The following GORASP2 variants were observed in gnomAD, a reference collection of about 807,000 sequenced individuals.
GORASP2 encodes Golgi reassembly-stacking protein 2.
Under a neutral mutation model 45.7 loss-of-function variants are expected in GORASP2, and 22 were observed. The observed-to-expected ratio is 0.48, with a 90% CI of 0.34 to 0.69. The LOEUF is 0.69. Ranked by LOEUF, GORASP2 falls within the 30% of genes least tolerant of loss-of-function variation. GORASP2 has a pLI of 0.01. For synonymous variants in GORASP2, 221 were observed against 215.6 expected (o/e 1.02, Z -0.22); for missense variants, 491 against 562.7 (o/e 0.87, Z 1.29).
chr2:170,942,267 A>T (rs558881569), intron 1 of GORASP2, among the ~76,000 whole-genome samples: 1 of 152,178 alleles, frequency 6.6e-6, no homozygotes, highest in Non-Finnish European at 1.5e-5. Context: ...TAAAGTATAC[A>T]GTTTGGTGGG....
rs768925029 is a variant in GORASP2, at chr2:170,954,653, A to G, written c.570A>G (p.Leu190=). The change falls in exon 6 of 10, where the codon CTA becomes CTG. Residue 190 remains leucine, a synonymous_variant. Coordinates refer to ENST00000234160, the MANE Select transcript of GORASP2 (RefSeq NM_015530.5). ...TAAGAAAAAAATGTTTTTATAGCCT[A>G]GGATGTGGCATTGGATATGGTTATT... ...PNSAWGGEGS[L]GCGIGYGYLH... The G allele has an allele frequency of 6.2e-7, 1 of 1,611,464 alleles. No individual in the cohort carries two copies. Among genetic ancestry groups the G allele is most frequent in the Non-Finnish European group, 8.5e-7 (1 of 1,178,620 alleles).
At position 170,962,822 on chromosome 2, in the gene GORASP2, T is replaced by A; in HGVS notation, c.911-17T>A. The A allele has an allele frequency of 6.4e-7, 1 of 1,551,680 alleles. No homozygotes were observed. Among genetic ancestry groups the A allele is most frequent in the Middle Eastern group, 1.7e-4 (1 of 5,930 alleles). On this transcript the variant is annotated splice_polypyrimidine_tract_variant and intron_variant, in intron 8 of 9. Coordinates refer to ENST00000234160, the MANE Select transcript of GORASP2 (RefSeq NM_015530.5). ...GTCAAGTGATTTCTCTTTTTTTCTT[T>A]TCTGCCTTCTCTTCAGGTCTGATGC...
At chr2:170,961,845 CT>C in intron 8 of GORASP2, 96 bp downstream of exon 8, 1 of 776,918 alleles carries the variant, frequency 1.3e-6, no homozygotes, top group Non-Finnish European at 2.4e-6. Flanking sequence ...TGTGTGGTAA[CT>C]TTTTATGTCT....
At chr2:170,948,949 A>G (rs745810290) in intron 2 of GORASP2, among the ~76,000 whole-genome samples, 10 of 152,228 alleles carry the variant, frequency 6.6e-5, no homozygotes, top group Non-Finnish European at 1.5e-4. Flanking sequence ...AAATTATATA[A>G]TCTCAGCAAA....
At chr2:170,962,700 T>C (rs1415183404) in intron 8 of GORASP2, 139 bp from the exon 9 acceptor site, 21 of 630,192 alleles carry the variant, frequency 3.3e-5, no homozygotes, top group South Asian at 1.5e-4. Flanking sequence ...TATATTGTTA[T>C]GATACACAGC....
rs572771820 is a variant in GORASP2, at chr2:170,965,071, C to T, written c.1019-719C>T. 7.3e-5 allele frequency among the ~76,000 whole-genome samples: 11 copies of T among 151,050 alleles called. No homozygotes were observed. The East Asian group carries it at 2.0e-3, about 27-fold the overall frequency. ...GACCACAGGTGTGTGCCACCACGCC[C>T]GGCTAATTTTTGTACTTTTTTTTAG... On this transcript the variant is annotated intron_variant, in intron 9 of 9. Coordinates refer to ENST00000234160, the MANE Select transcript of GORASP2 (RefSeq NM_015530.5).
At chr2:170,964,829 G>A (rs1454221290) in intron 9 of GORASP2, among the ~76,000 whole-genome samples, 1 of 149,054 alleles carries the variant, frequency 6.7e-6, no homozygotes, top group Non-Finnish European at 1.5e-5. Flanking sequence ...CTGAACCTGT[G>A]CTTTACACCC....
In GORASP2 at chr2:170,958,653, CTT is replaced by C. The variant is rs1179921216; in HGVS notation, c.823+2114_823+2115del. 4.8e-3 allele frequency among the ~76,000 whole-genome samples: 509 copies of C among 105,514 alleles called. 4 individuals carry two copies. The highest frequency in any genetic ancestry group is 0.016 in the African/African-American group (420 of 25,586). 69.2% of individuals were successfully genotyped at this position (105,514 alleles called of 152,430 possible). On this transcript the variant is annotated intron_variant, in intron 7 of 9. Coordinates refer to ENST00000234160, the MANE Select transcript of GORASP2 (RefSeq NM_015530.5). ...TAGAGTAAGCGTGTTTCCAGATGCT[CTT>C]TTTTTTTTTTTTTTTTTTTAAAAAA...
chr2:170,936,019 C>A (rs542536286), intron 1 of GORASP2, among the ~76,000 whole-genome samples: 1 of 152,146 alleles, frequency 6.6e-6, no homozygotes, highest in East Asian at 1.9e-4. Context: ...ATTCTTCTGC[C>A]TTCTGGGTCA....
intron 1 of GORASP2, among the ~76,000 whole-genome samples, chr2:170,930,169 G>A (rs1559305132): frequency 6.6e-6 from 1 of 152,170 alleles, no homozygotes; most frequent in Non-Finnish European, 1.5e-5. Flanking sequence ...AACAACCCTA[G>A]CTTAACTTCC....
chr2:170,958,418 T>C (rs888989678), intron 7 of GORASP2, among the ~76,000 whole-genome samples: 1 of 152,184 alleles, frequency 6.6e-6, no homozygotes, highest in African/African-American at 2.4e-5. Context: ...AATTAAGTAT[T>C]AATGTCATCA....
chr2:170,963,470 T>TGCC (rs1395107038), intron 9 of GORASP2, among the ~76,000 whole-genome samples: 8 of 66,490 alleles, frequency 1.2e-4, no homozygotes, highest in African/African-American at 5.2e-4. Context: ...CTCCTCCTCC[T>TGCC]CCCCCTCCTC....
intron 1 of GORASP2, among the ~76,000 whole-genome samples, chr2:170,934,734 TTTTG>T (rs1001104297): frequency 6.6e-5 from 10 of 152,178 alleles, no homozygotes; most frequent in East Asian, 3.9e-4. Context: ...TTTTTTTCTT[TTTTG>T]TTTGTTTGTT....
At chr2:170,946,768 C>CAAAA (rs10692734) in intron 1 of GORASP2, among the ~76,000 whole-genome samples, 5 of 105,000 alleles carry the variant, frequency 4.8e-5, no homozygotes, top group African/African-American at 4.3e-5. Flanking sequence ...CATGCCTCTA[C>CAAAA]AAAAAAAAAA....
At chr2:170,951,515 T>C in intron 5 of GORASP2, 57 bp downstream of exon 5, 1 of 1,283,136 alleles carries the variant, frequency 7.8e-7, no homozygotes, top group Non-Finnish European at 1.1e-6. Flanking sequence ...TCAGATATGT[T>C]GCAGACATTG....
intron 1 of GORASP2, among the ~76,000 whole-genome samples, chr2:170,947,418 T>C (rs1704201022): frequency 6.6e-6 from 1 of 152,208 alleles, no homozygotes; most frequent in Admixed American, 6.5e-5. Context: ...TCTTTACCTT[T>C]GAATGTTCTA....
At chr2:170,949,275 A>G (rs3770438) in intron 2 of GORASP2, among the ~76,000 whole-genome samples, 79,006 of 152,132 alleles carry the variant, frequency 0.52, 23,269 homozygotes, top group South Asian at 0.66. Context: ...TTGAAGCCCT[A>G]GATCATTCTA....
At chr2:170,963,219 A>G (rs1704605904) in intron 9 of GORASP2, among the ~76,000 whole-genome samples, 1 of 152,196 alleles carries the variant, frequency 6.6e-6, no homozygotes, top group South Asian at 2.1e-4. Context: ...CTGAAAAAAT[A>G]TAAACATTAG....
intron 1 of GORASP2, among the ~76,000 whole-genome samples, chr2:170,940,641 C>CTT (rs78088107): frequency 1.7e-4 from 23 of 138,510 alleles, no homozygotes; most frequent in Admixed American, 1.5e-3. Context: ...AAGTGAATTG[C>CTT]TTTTTTTTTT....
Sources: gnomAD v4.1 joint callset for allele counts (sites outside exome capture counted in the v4.1 genomes callset) on GRCh38, gnomAD v4.1.1 for gene constraint, MANE v1.5 for transcripts, NCBI Gene and HGNC (gene_info 2026-07-23, HGNC 2026-07-21) for gene names.